ATG10: variants seen among roughly 807,000 people sequenced by gnomAD.
The protein encoded by ATG10 is ubiquitin-like-conjugating enzyme ATG10.
Under a neutral mutation model 32.1 loss-of-function variants are expected in ATG10, and 30 were observed. The observed-to-expected ratio is 0.94, with a 90% CI of 0.70 to 1.27. ATG10 has a LOEUF of 1.27. Among genes scored for constraint, ATG10 ranks in the 50% most tolerant of loss-of-function variants. The probability of loss-of-function intolerance (pLI) is 0.00; values close to 1 mark genes in which losing one functional copy is unlikely to be tolerated. For synonymous variants in ATG10, 87 were observed against 91.5 expected (o/e 0.95, Z 0.28); for missense variants, 233 against 262.3 (o/e 0.89, Z 0.77).
In ATG10 at chr5:82,239,768, T is replaced by A. The variant is rs191763237; in HGVS notation, c.454-12794T>A. ...GAGAAAATATTTGCAAACTCTTCAA[T>A]TGACAAGTGATTAATAATCAGAATA... On this transcript the variant is annotated intron_variant, in intron 5 of 7. Transcript: ENST00000282185. 5.0e-3 allele frequency among the ~76,000 whole-genome samples: 756 copies of A among 152,126 alleles called. 6 individuals carry two copies. Among genetic ancestry groups the A allele is most frequent in the African/African-American group, 0.015 (602 of 41,500 alleles).
intron 5 of ATG10, among the ~76,000 whole-genome samples, chr5:82,210,752 T>C (rs1745462390): frequency 6.6e-6 from 1 of 152,046 alleles, no homozygotes; most frequent in Admixed American, 6.6e-5. Flanking sequence ...GAAATGATAA[T>C]ACCTGCCCCA....
intron 5 of ATG10, among the ~76,000 whole-genome samples, chr5:82,222,993 G>C (rs952023163): frequency 6.6e-6 from 1 of 152,232 alleles, no homozygotes; most frequent in Non-Finnish European, 1.5e-5. Context: ...AAGTTGGTAG[G>C]TTGGAAAATC....
intron 5 of ATG10, among the ~76,000 whole-genome samples, chr5:82,244,087 T>C (rs1459510201): frequency 6.6e-6 from 1 of 152,150 alleles, no homozygotes; most frequent in Non-Finnish European, 1.5e-5. Flanking sequence ...AATGTGTGTA[T>C]AAAAAGGTCT....
At chr5:82,017,805 T>C (rs1762330031) in intron 2 of ATG10, among the ~76,000 whole-genome samples, 1 of 152,170 alleles carries the variant, frequency 6.6e-6, no homozygotes, top group Non-Finnish European at 1.5e-5. Flanking sequence ...GATTGATCAT[T>C]CTTTCCTCCT....
chr5:82,143,360 C>T (rs768247713), intron 3 of ATG10, among the ~76,000 whole-genome samples: 12 of 152,026 alleles, frequency 7.9e-5, no homozygotes, highest in Non-Finnish European at 1.6e-4. Context: ...ACAGAACGGT[C>T]GTTAGAGTCA....
At chr5:82,161,439 T>A (rs952960522) in intron 3 of ATG10, among the ~76,000 whole-genome samples, 2 of 152,082 alleles carry the variant, frequency 1.3e-5, no homozygotes, top group Non-Finnish European at 2.9e-5. Flanking sequence ...AGAATATGGA[T>A]CTATGCCTAA....
At chr5:82,105,116 T>G (rs1765405240) in intron 3 of ATG10, among the ~76,000 whole-genome samples, 1 of 152,144 alleles carries the variant, frequency 6.6e-6, no homozygotes, top group Non-Finnish European at 1.5e-5. Flanking sequence ...CTACAGAACT[T>G]GTTCAGTAAT....
intron 1 of ATG10, among the ~76,000 whole-genome samples, chr5:81,974,699 C>T (rs1266634313): frequency 6.6e-6 from 1 of 152,148 alleles, no homozygotes; most frequent in Non-Finnish European, 1.5e-5. Context: ...CACTACACAG[C>T]CGTGACTCCT....
chr5:82,048,908 G>A lies in ATG10; in HGVS notation c.109-9587G>A, dbSNP rs553942308. Among the ~76,000 whole-genome samples the A allele has an allele frequency of 5.3e-3, 806 of 152,060 alleles. 6 individuals carry two copies. The highest frequency in any genetic ancestry group is 6.8e-3 in the Non-Finnish European group (465 of 67,952). ...AAAAGTCAGGAGACAACAGGTGCTG[G>A]AGAGGATGTGGAGAAATAGGAACAC... On this transcript the variant is annotated intron_variant, in intron 2 of 7. Transcript: ENST00000282185.
intron 3 of ATG10, among the ~76,000 whole-genome samples, chr5:82,111,072 G>A (rs1360776891): frequency 2.0e-5 from 3 of 151,892 alleles, no homozygotes; most frequent in South Asian, 2.1e-4. Flanking sequence ...ACATTGATCT[G>A]TTTTGAAAGA....
chr5:81,993,360 C>CTTTCTTTCCTTCTCTTTCTT, intron 2 of ATG10, among the ~76,000 whole-genome samples: 1 of 46,772 alleles, frequency 2.1e-5, no homozygotes, highest in Non-Finnish European at 4.0e-5. Context: ...TCTTTCTTTC[C>CTTTCTTTCCTTCTCTTTCTT]TTCTTTTCTT....
chr5:82,048,906 T>C (rs929523982), intron 2 of ATG10, among the ~76,000 whole-genome samples: 1 of 151,948 alleles, frequency 6.6e-6, no homozygotes, highest in African/African-American at 2.4e-5. Flanking sequence ...CAACAGGTGC[T>C]GGAGAGGATG....
intron 2 of ATG10, among the ~76,000 whole-genome samples, chr5:82,048,647 C>T (rs1051041915): frequency 6.6e-6 from 1 of 152,118 alleles, no homozygotes; most frequent in African/African-American, 2.4e-5. Flanking sequence ...ACAACCTACT[C>T]ATCTGACAGA....
chr5:82,145,232 G>T (rs1269351975), intron 3 of ATG10, among the ~76,000 whole-genome samples: 1 of 151,960 alleles, frequency 6.6e-6, no homozygotes, highest in African/African-American at 2.4e-5. Flanking sequence ...AATGTTTAGT[G>T]CATTGGCATT....
intron 5 of ATG10, among the ~76,000 whole-genome samples, chr5:82,251,198 C>G (rs1747241257): frequency 6.6e-6 from 1 of 152,190 alleles, no homozygotes; most frequent in Non-Finnish European, 1.5e-5. Context: ...CCTTCCAGTT[C>G]TTGTGAGTGG....
At chr5:82,168,935 TATCC>T (rs565883703) in intron 4 of ATG10, among the ~76,000 whole-genome samples, 172 of 152,200 alleles carry the variant, frequency 1.1e-3, no homozygotes, top group Non-Finnish European at 2.1e-3. Flanking sequence ...AAAAGTAGAA[TATCC>T]ATAGCTCTGT....
chr5:82,209,829 A>G (rs1463241208), intron 5 of ATG10, among the ~76,000 whole-genome samples: 1 of 151,396 alleles, frequency 6.6e-6, no homozygotes, highest in African/African-American at 2.4e-5. Context: ...AGGTATTTAG[A>G]CCCCTTCACC....
At chr5:82,050,132 A>G (rs935114669) in intron 2 of ATG10, among the ~76,000 whole-genome samples, 15 of 152,024 alleles carry the variant, frequency 9.9e-5, no homozygotes, top group Non-Finnish European at 1.5e-5. Flanking sequence ...TTACTTTTCC[A>G]CCTAACATAT....
chr5:82,139,955 C>CT (rs1767006922), intron 3 of ATG10, among the ~76,000 whole-genome samples: 1 of 128,832 alleles, frequency 7.8e-6, no homozygotes, highest in African/African-American at 2.9e-5. Flanking sequence ...GTCAGCCCTC[C>CT]GCCCGGCCAG....
Sources: allele counts gnomAD v4.1 joint callset (sites outside exome capture counted in the v4.1 genomes callset), GRCh38; gene constraint gnomAD v4.1.1; transcripts MANE v1.5; gene names NCBI Gene and HGNC (gene_info 2026-07-23, HGNC 2026-07-21).